The following NOVA1 variants were observed in gnomAD, a reference collection of about 807,000 sequenced individuals.
NOVA1 encodes NOVA alternative splicing regulator 1.
NOVA1 carries 7 observed loss-of-function variants against 38.0 expected under a neutral mutation model. The ratio of observed to expected loss-of-function variants is 0.18; its 90% CI spans 0.10 to 0.35. NOVA1 has a LOEUF of 0.35. Ranked by LOEUF, NOVA1 falls within the 10% of genes least tolerant of loss-of-function variation. The probability of loss-of-function intolerance (pLI) is 1.00; values close to 1 mark genes in which losing one functional copy is unlikely to be tolerated. For missense variants in NOVA1, 460 were observed against 616.0 expected (o/e 0.75, Z 2.68); for synonymous variants, 270 against 232.5 (o/e 1.16, Z -1.47).
intron 2 of NOVA1, among the ~76,000 whole-genome samples, chr14:26,546,976 G>A (rs1307091694): frequency 6.6e-6 from 1 of 152,036 alleles, no homozygotes; most frequent in Non-Finnish European, 1.5e-5. Context: ...CCGAGATCGT[G>A]CCATTGCACT....
intron 2 of NOVA1, among the ~76,000 whole-genome samples, chr14:26,584,809 A>C (rs2138784047): frequency 6.6e-6 from 1 of 151,534 alleles, no homozygotes; most frequent in South Asian, 2.1e-4. Flanking sequence ...CAAGACTCTG[A>C]CACTAACAGA....
chr14:26,447,890 G>A lies in NOVA1; in HGVS notation c.*69C>T. The A allele has an allele frequency of 7.8e-7, 1 of 1,281,484 alleles. No individual in the cohort carries two copies. Among genetic ancestry groups the A allele is most frequent in the East Asian group, 2.3e-5 (1 of 43,186 alleles). 79.4% of individuals were successfully genotyped at this position (1,281,484 alleles called of 1,614,324 possible). ...AACAGAAAAACTTCACTTCTGCAAA[G>A]TACAGTACATCCTTCTTGAAAATGG... On this transcript the variant is annotated 3_prime_UTR_variant, in exon 5 of 5. Transcript: ENST00000539517.
intron 2 of NOVA1, among the ~76,000 whole-genome samples, chr14:26,545,735 A>G (rs1378911802): frequency 6.6e-6 from 1 of 152,180 alleles, no homozygotes; most frequent in East Asian, 1.9e-4. Context: ...AAAGTTGTTA[A>G]GCAATTTACA....
chr14:26,532,043 C>T (rs1386971988), intron 2 of NOVA1, among the ~76,000 whole-genome samples: 3 of 152,062 alleles, frequency 2.0e-5, no homozygotes, highest in Non-Finnish European at 2.9e-5. Flanking sequence ...AAGACTGACA[C>T]CACAAAGTAC....
At chr14:26,544,474 TAAA>T (rs772814341) in intron 2 of NOVA1, among the ~76,000 whole-genome samples, 2 of 140,332 alleles carry the variant, frequency 1.4e-5, no homozygotes, top group Non-Finnish European at 3.1e-5. Context: ...AACATAAGGT[TAAA>T]AAAAAAAAAA....
At position 26,444,933 on chromosome 14, in the gene NOVA1, G is replaced by A. The variant is rs1205341251; in HGVS notation, c.*3026C>T. 1 of 151,964 alleles carries A rather than the reference G, an allele frequency of 6.6e-6. No individual in the cohort carries two copies. Among genetic ancestry groups the A allele is most frequent in the Non-Finnish European group, 1.5e-5 (1 of 67,992 alleles). 9.4% of individuals were successfully genotyped at this position (151,964 alleles called of 1,614,324 possible). A position where few individuals can be genotyped will look rare whatever the true frequency, so the allele number is the denominator to read the frequency against. On this transcript the variant is annotated 3_prime_UTR_variant, in exon 5 of 5. Coordinates refer to ENST00000539517, the MANE Select transcript of NOVA1 (RefSeq NM_002515.3). ...TGGTGCTGAAAGGACAGCTCCCAGT[G>A]TTGAGGAAAAGATCTTGGATCTAGA...
At chr14:26,502,313 T>G (rs947520180) in intron 2 of NOVA1, among the ~76,000 whole-genome samples, 2 of 151,850 alleles carry the variant, frequency 1.3e-5, no homozygotes, top group Non-Finnish European at 2.9e-5. Context: ...GTAAAACCTA[T>G]GGGACTTTGG....
intron 2 of NOVA1, among the ~76,000 whole-genome samples, chr14:26,528,804 T>C (rs529407693): frequency 1.2e-4 from 18 of 152,352 alleles, no homozygotes; most frequent in Admixed American, 8.5e-4. Flanking sequence ...TGGTGCCCTG[T>C]GGTCTTCTTC....
At chr14:26,581,564 T>C (rs1381080842) in intron 2 of NOVA1, among the ~76,000 whole-genome samples, 3 of 152,004 alleles carry the variant, frequency 2.0e-5, no homozygotes, top group Admixed American at 6.6e-5. Flanking sequence ...GTTCTATATA[T>C]ATACACAAGT....
intron 1 of NOVA1, 30 bp downstream of exon 1, chr14:26,597,271 G>A (rs1351244246): frequency 1.2e-5 from 15 of 1,238,460 alleles, no homozygotes; most frequent in African/African-American, 1.6e-5. Flanking sequence ...CGGGGGATGG[G>A]GCCAGCGGGG....
intron 2 of NOVA1, among the ~76,000 whole-genome samples, chr14:26,583,836 T>C (rs879495412): frequency 8.6e-5 from 13 of 150,626 alleles, no homozygotes; most frequent in Non-Finnish European, 1.6e-4. Flanking sequence ...AGCTTAACAA[T>C]GTTTTGACAA....
At chr14:26,474,755 C>T (rs1312885333) in intron 3 of NOVA1, among the ~76,000 whole-genome samples, 6 of 151,790 alleles carry the variant, frequency 4.0e-5, no homozygotes, top group Non-Finnish European at 7.4e-5. Flanking sequence ...GTTTGGGTTT[C>T]AAGTTGTAAG....
chr14:26,570,072 T>C (rs1892377970), intron 2 of NOVA1, among the ~76,000 whole-genome samples: 1 of 152,120 alleles, frequency 6.6e-6, no homozygotes, highest in South Asian at 2.1e-4. Flanking sequence ...TAAGGCCGGA[T>C]GCAGTGTCTC....
rs530924615 is a variant in NOVA1, at chr14:26,461,784, A to C, written c.519+10536T>G. ...TCTTTACTAAAAAAAAAAAAAAAAA[A>C]AATTTGCCAGGCATGCATGGTGGCT... On this transcript the variant is annotated intron_variant, in intron 4 of 4. Transcript: ENST00000539517. 2.6e-3 allele frequency among the ~76,000 whole-genome samples: 391 copies of C among 150,574 alleles called. 2 individuals are homozygous for C. The highest frequency in any genetic ancestry group is 8.9e-3 in the African/African-American group (364 of 41,086).
chr14:26,530,321 T>C (rs1169097585), intron 2 of NOVA1, among the ~76,000 whole-genome samples: 2 of 152,160 alleles, frequency 1.3e-5, no homozygotes, highest in Non-Finnish European at 2.9e-5. Context: ...GGTATATTCA[T>C]CCTATTAAAT....
chr14:26,568,226 T>G (rs1388343900), intron 2 of NOVA1, among the ~76,000 whole-genome samples: 1 of 152,228 alleles, frequency 6.6e-6, no homozygotes, highest in Non-Finnish European at 1.5e-5. Context: ...GGTAGTAACC[T>G]AGAATTCCAT....
intron 4 of NOVA1, among the ~76,000 whole-genome samples, chr14:26,463,538 T>A (rs553478651): frequency 2.0e-5 from 3 of 152,288 alleles, no homozygotes; most frequent in East Asian, 3.9e-4. Context: ...TGGGTTTTCA[T>A]ATGAACCTAG....
At chr14:26,540,823 T>G (rs1319294091) in intron 2 of NOVA1, among the ~76,000 whole-genome samples, 1 of 152,198 alleles carries the variant, frequency 6.6e-6, no homozygotes, top group African/African-American at 2.4e-5. Context: ...AGAAATGATT[T>G]ATGAGAATAT....
intron 2 of NOVA1, chr14:26,549,453 G>A (rs565211081): frequency 1.2e-5 from 2 of 171,040 alleles, no homozygotes; most frequent in East Asian, 2.5e-4. Flanking sequence ...GAAGAATATT[G>A]ATAAAAGCAT....
Sources: allele counts gnomAD v4.1 joint callset (sites outside exome capture counted in the v4.1 genomes callset), GRCh38; gene constraint gnomAD v4.1.1; transcripts MANE v1.5; gene names NCBI Gene and HGNC (gene_info 2026-07-23, HGNC 2026-07-21).